FNBP4: variants seen among roughly 807,000 people sequenced by gnomAD.
FNBP4 encodes the protein formin binding protein 4, also known as formin-binding protein 4.
FNBP4 carries 34 observed loss-of-function variants against 119.3 expected under a neutral mutation model. The observed-to-expected ratio is 0.28, with a 90% CI of 0.22 to 0.38. The LOEUF (loss-of-function observed/expected upper bound fraction) is 0.38. Among genes scored for constraint, FNBP4 ranks in the 10% least tolerant of loss-of-function variants. The pLI is 1.00. For synonymous variants in FNBP4, 462 were observed against 430.6 expected (o/e 1.07, Z -0.90); for missense variants, 1,112 against 1,228.9 (o/e 0.90, Z 1.42).
chr11:47,731,229 C>T (rs1599175973), intron 12 of FNBP4, 145 bp downstream of exon 12: 2 of 709,280 alleles, frequency 2.8e-6, no homozygotes, highest in East Asian at 6.1e-5. Context: ...CATAATAACT[C>T]ATGCATTCCT....
rs2097569166 is a variant in FNBP4, at chr11:47,732,960, A to G, written c.1687-290T>C. Among the ~76,000 whole-genome samples, 1 of 152,166 alleles carries G rather than the reference A, an allele frequency of 6.6e-6. No homozygotes were observed. The highest frequency in any genetic ancestry group is 2.4e-5 in the African/African-American group (1 of 41,446). On this transcript the variant is annotated intron_variant, in intron 10 of 16. Coordinates refer to ENST00000263773, the MANE Select transcript of FNBP4 (RefSeq NM_015308.5). This position sits in a 1 kb window ranked among gnomAD's most constrained non-coding sequence, Gnocchi z 4.2. ...AGGTGAGACCCTGTCTGTACTAAAA[A>G]TACAAAAATTAGCTGGGCTTGGTGG...
intron 8 of FNBP4, among the ~76,000 whole-genome samples, chr11:47,740,493 C>A (rs1168099147): frequency 6.6e-6 from 1 of 151,570 alleles, no homozygotes; most frequent in Non-Finnish European, 1.5e-5. Flanking sequence ...GGTTTCTCTG[C>A]CATCACAGCC....
At chr11:47,734,867 G>C (rs1310925811) in intron 9 of FNBP4, among the ~76,000 whole-genome samples, 1 of 152,076 alleles carries the variant, frequency 6.6e-6, no homozygotes, top group East Asian at 1.9e-4. Flanking sequence ...CAGCTACTCG[G>C]GAGGCTGAGG....
At chr11:47,724,391 T>C (rs1413220914) in intron 13 of FNBP4, 77 bp downstream of exon 13, 4 of 1,604,646 alleles carry the variant, frequency 2.5e-6, no homozygotes, top group Middle Eastern at 1.7e-4. Context: ...TTTAAACATA[T>C]GCTTCTAAAA....
intron 1 of FNBP4, among the ~76,000 whole-genome samples, chr11:47,765,638 C>A (rs1435871658): frequency 7.0e-5 from 3 of 43,110 alleles, no homozygotes; most frequent in African/African-American, 1.1e-4. Context: ...AACTCCATCT[C>A]TACTAAAAAT....
chr11:47,717,775 T>C (rs1461453158), intron 16 of FNBP4, among the ~76,000 whole-genome samples: 1 of 152,132 alleles, frequency 6.6e-6, no homozygotes, highest in Non-Finnish European at 1.5e-5. Flanking sequence ...TGAGACGGAA[T>C]TTTGCTCTTG....
chr11:47,762,918 A>G (rs2097639005), intron 2 of FNBP4, among the ~76,000 whole-genome samples: 1 of 150,454 alleles, frequency 6.6e-6, no homozygotes, highest in African/African-American at 2.4e-5. Flanking sequence ...AAAAAAAAAA[A>G]AAAAAAAAAG....
chr11:47,731,793 T>TC, intron 11 of FNBP4: 12 of 1,235,014 alleles, frequency 9.7e-6, no homozygotes, highest in Non-Finnish European at 1.2e-5. Context: ...ACCCTCTCAC[T>TC]CCAACAGATG....
In FNBP4 at chr11:47,747,566, G is replaced by A. The variant is rs528789451; in HGVS notation, c.907-1172C>T. Among the ~76,000 whole-genome samples the A allele has an allele frequency of 1.0e-3, 153 of 152,072 alleles. 1 individual carries two copies. The highest frequency in any genetic ancestry group is 8.1e-4 in the Non-Finnish European group (55 of 67,962). On this transcript the variant is annotated intron_variant, in intron 6 of 16. Transcript: ENST00000263773. ...AGGTGATCTGCCCACCTCAGCCTCCGAAAGTGCTGGGATTACAGGCGTGAG... is the reference window on the plus strand; with the variant it reads ...AGGTGATCTGCCCACCTCAGCCTCCAAAAGTGCTGGGATTACAGGCGTGAG...
intron 2 of FNBP4, among the ~76,000 whole-genome samples, chr11:47,755,053 G>A (rs986086032): frequency 2.6e-5 from 4 of 151,654 alleles, no homozygotes; most frequent in African/African-American, 7.3e-5. Flanking sequence ...AGAAGTGCTT[G>A]AACCTGGGAG....
chr11:47,744,814 A>C (rs560854668), intron 7 of FNBP4, among the ~76,000 whole-genome samples: 6 of 152,284 alleles, frequency 3.9e-5, no homozygotes, highest in Non-Finnish European at 8.8e-5. Flanking sequence ...ATCAAATAGT[A>C]GGTCTTATTC....
In FNBP4 at chr11:47,732,372, T is replaced by G. The variant is rs2097568448; in HGVS notation, c.1820+165A>C. 1 of 1,511,652 alleles carries G rather than the reference T, an allele frequency of 6.6e-7. No individual in the cohort carries two copies. The highest frequency in any genetic ancestry group is 1.4e-5 in the South Asian group (1 of 72,994). The allele number at this position is 1,511,652 out of a possible 1,614,324, so 93.6% of individuals were successfully genotyped here. On this transcript the variant is annotated intron_variant, in intron 11 of 16. Transcript: ENST00000263773. The surrounding 1 kb of genome is among the most constrained non-coding windows in gnomAD (Gnocchi z 4.2). ...AAACATTGCTTTTGTTTCTCCAATG[T>G]GTGGCTGGCCAAACTTTGTGCTTGC...
At chr11:47,734,574 T>C (rs1185724793) in intron 9 of FNBP4, among the ~76,000 whole-genome samples, 1 of 152,198 alleles carries the variant, frequency 6.6e-6, no homozygotes, top group Admixed American at 6.5e-5. Flanking sequence ...GATCCCAATA[T>C]TGAAAAGCTA....
At position 47,732,872 on chromosome 11, in the gene FNBP4, C is replaced by T. The variant is rs1402212939; in HGVS notation, c.1687-202G>A. The stretch of plus-strand genomic sequence containing the variant: ...GTGGCTCACGCCTGTAATCCCAGCA[C>T]TTTGGGAGGCTGAGGCGGGTGGATC... On this transcript the variant is annotated intron_variant, in intron 10 of 16. Transcript: ENST00000263773. The surrounding 1 kb of genome is among the most constrained non-coding windows in gnomAD (Gnocchi z 4.2). Among the ~76,000 whole-genome samples the T allele has an allele frequency of 6.6e-6, 1 of 152,192 alleles. No individual in the cohort carries two copies. Among genetic ancestry groups the T allele is most frequent in the Non-Finnish European group, 1.5e-5 (1 of 68,028 alleles).
chr11:47,719,721 T>G (rs779186266), intron 16 of FNBP4, among the ~76,000 whole-genome samples: 1 of 152,098 alleles, frequency 6.6e-6, no homozygotes, highest in Non-Finnish European at 1.5e-5. Flanking sequence ...AACTCTGTTG[T>G]TTCTGATTTT....
intron 1 of FNBP4, among the ~76,000 whole-genome samples, chr11:47,766,299 ATTGAGACATTGTC>A (rs1412901885): frequency 6.6e-6 from 1 of 152,196 alleles, no homozygotes; most frequent in Non-Finnish European, 1.5e-5. Context: ...TGGGCGACAG[ATTGAGACATTGTC>A]TCGAAAAAAA....
intron 1 of FNBP4, among the ~76,000 whole-genome samples, 171 bp downstream of exon 1, chr11:47,766,898 G>A (rs896483883): frequency 6.6e-6 from 1 of 151,910 alleles, no homozygotes; most frequent in Non-Finnish European, 1.5e-5. Context: ...GCAGAACTCG[G>A]CCTGGCCCTT....
In FNBP4 at chr11:47,736,625, C is replaced by T; in HGVS notation, c.1572G>A (p.Gln524=). ...TAAGTAATATACATACTTTCAAATC[C>T]TGTTCTTCTTCTACTTTTGGTGTTG... ...VQTTPKVEEE[Q]DLKFQIGELA... Residue 524 remains glutamine, a synonymous_variant, in exon 9 of 17, where the codon CAG becomes CAA. Transcript: ENST00000263773. 6.3e-7 allele frequency: 1 copy of T among 1,591,868 alleles called. No homozygotes were observed. Among genetic ancestry groups the T allele is most frequent in the Non-Finnish European group, 8.6e-7 (1 of 1,165,330 alleles).
intron 16 of FNBP4, among the ~76,000 whole-genome samples, 175 bp from the exon 17 acceptor site, chr11:47,717,687 T>C (rs1433131804): frequency 6.6e-6 from 1 of 152,224 alleles, no homozygotes; most frequent in Admixed American, 6.5e-5. Context: ...ACTTCTTCAT[T>C]CTGATAGGTC....
Sources: gnomAD v4.1 joint callset for allele counts (sites outside exome capture counted in the v4.1 genomes callset) on GRCh38, gnomAD v4.1.1 for gene constraint, Gnocchi (gnomAD v3.1) non-coding constraint, MANE v1.5 for transcripts, NCBI Gene and HGNC (gene_info 2026-07-23, HGNC 2026-07-21) for gene names.